ATRNL1: variants seen among roughly 807,000 people sequenced by gnomAD.
The protein encoded by ATRNL1 is attractin-like protein 1.
A neutral mutation model predicts 182.7 loss-of-function variants in ATRNL1; 95 were observed. That is an observed-to-expected ratio of 0.52 (90% confidence interval 0.44 to 0.62). ATRNL1 has a LOEUF of 0.62. Among genes scored for constraint, ATRNL1 ranks in the 20% least tolerant of loss-of-function variants. The probability of loss-of-function intolerance (pLI) is 0.00; values close to 1 mark genes in which losing one functional copy is unlikely to be tolerated. For missense variants in ATRNL1, 1,471 were observed against 1,679.5 expected (o/e 0.88, Z 2.17); for synonymous variants, 576 against 568.3 (o/e 1.01, Z -0.19).
rs183087462 is a variant in ATRNL1 at position 115,570,831 on chromosome 10, C to G, written c.3795+21295C>G. Among the ~76,000 whole-genome samples the G allele has an allele frequency of 3.3e-5, 5 of 152,256 alleles. No individual in the cohort carries two copies. In the East Asian group the frequency reaches 9.7e-4, roughly 29 times the overall value. ...GGCATCCTCAGGGAGAGGCCTATAT[C>G]CAGAGAGCTGACACTGCTAGAGAGT... On this transcript the variant is annotated intron_variant, in intron 26 of 28. Transcript: ENST00000355044.
chr10:115,287,863 C>T lies in ATRNL1; in HGVS notation c.2415+1466C>T, dbSNP rs187199236. Among the ~76,000 whole-genome samples, 15 of 150,968 alleles carry T rather than the reference C, an allele frequency of 9.9e-5. No homozygotes were observed. The South Asian group carries it at 1.9e-3, about 19-fold the overall frequency. Reference sequence around the variant, plus strand: ...TAAATCTCTTCTTATCCCTCCCTTTCGCCTTACTCTTCCCAGCCTCTAGTA... The same window carrying T: ...TAAATCTCTTCTTATCCCTCCCTTTTGCCTTACTCTTCCCAGCCTCTAGTA... On this transcript the variant is annotated intron_variant, in intron 15 of 28. Coordinates refer to ENST00000355044, the MANE Select transcript of ATRNL1 (RefSeq NM_207303.4).
In ATRNL1 at chr10:115,815,405, GTGTGTGTGTA is replaced by G. The variant is rs1416103920; in HGVS notation, c.3904-32462_3904-32453del. Reference sequence around the variant, plus strand: ...AGATCAACACATCCACTGGTATGTGGTGTGTGTGTATGTGTGTGTGTGTGTGTGTGTGTGT... The same window carrying G: ...AGATCAACACATCCACTGGTATGTGGTGTGTGTGTGTGTGTGTGTGTGTGT... On this transcript the variant is annotated intron_variant, in intron 27 of 28. Coordinates refer to ENST00000355044, the MANE Select transcript of ATRNL1 (RefSeq NM_207303.4). Among the ~76,000 whole-genome samples, 4 of 119,980 alleles carry G rather than the reference GTGTGTGTGTA, an allele frequency of 3.3e-5. No homozygotes were observed. The East Asian group carries it at 1.0e-3, about 31-fold the overall frequency. The allele number at this position is 119,980 out of a possible 152,430, so 78.7% of individuals were successfully genotyped here.
chr10:115,136,241 G>A (rs539110421), intron 5 of ATRNL1, among the ~76,000 whole-genome samples: 12 of 152,160 alleles, frequency 7.9e-5, no homozygotes, highest in African/African-American at 2.6e-4. Context: ...TAAAAGTATA[G>A]GGACCTGTGT....
At chr10:115,381,666 CTT>C (rs575946296) in intron 19 of ATRNL1, among the ~76,000 whole-genome samples, 133 of 151,916 alleles carry the variant, frequency 8.8e-4, no homozygotes, top group African/African-American at 2.9e-3. Flanking sequence ...TTATTGTCCT[CTT>C]ATTTTTTTGA....
At chr10:115,206,932 T>C (rs1554893930) in intron 8 of ATRNL1, among the ~76,000 whole-genome samples, 2 of 152,144 alleles carry the variant, frequency 1.3e-5, no homozygotes, top group African/African-American at 4.8e-5. Flanking sequence ...AGTGAGAACA[T>C]GCGGTGTTTG....
chr10:115,276,511 CACTT>C (rs1852111868), intron 13 of ATRNL1, among the ~76,000 whole-genome samples: 1 of 152,138 alleles, frequency 6.6e-6, no homozygotes, highest in Admixed American at 6.6e-5. Context: ...AGATGGTACT[CACTT>C]GTAATTTAGA....
At chr10:115,144,477 A>G (rs1845890357) in intron 5 of ATRNL1, among the ~76,000 whole-genome samples, 1 of 152,056 alleles carries the variant, frequency 6.6e-6, no homozygotes, top group South Asian at 2.1e-4. Flanking sequence ...TATTTTTACT[A>G]GAGACGGGGT....
At chr10:115,907,604 A>C (rs1952542542) in intron 28 of ATRNL1, among the ~76,000 whole-genome samples, 1 of 152,240 alleles carries the variant, frequency 6.6e-6, no homozygotes, top group South Asian at 2.1e-4. Context: ...ATTTCAATAC[A>C]CTTGCAGTCT....
chr10:115,705,941 A>G (rs1025291217), intron 26 of ATRNL1, among the ~76,000 whole-genome samples: 1 of 151,938 alleles, frequency 6.6e-6, no homozygotes, highest in Admixed American at 6.6e-5. Context: ...TAATTAGTGG[A>G]CAGAGTTAAT....
chr10:115,413,663 T>C (rs1554960313), intron 20 of ATRNL1, among the ~76,000 whole-genome samples: 1 of 152,162 alleles, frequency 6.6e-6, no homozygotes, highest in African/African-American at 2.4e-5. Context: ...CTTTTGTTTA[T>C]GTGACACACC....
chr10:115,434,828 C>G (rs553001364), intron 21 of ATRNL1, among the ~76,000 whole-genome samples: 48 of 152,064 alleles, frequency 3.2e-4, no homozygotes, highest in Admixed American at 3.1e-3. Context: ...AATAGATATC[C>G]AAACAAACTG....
chr10:115,286,982 T>C (rs1852649751), intron 15 of ATRNL1, among the ~76,000 whole-genome samples: 1 of 151,928 alleles, frequency 6.6e-6, no homozygotes, highest in Admixed American at 6.6e-5. Context: ...TACTATGCCA[T>C]TTTATATTAC....
At chr10:115,872,755 G>A (rs1951614472) in intron 28 of ATRNL1, among the ~76,000 whole-genome samples, 1 of 152,196 alleles carries the variant, frequency 6.6e-6, no homozygotes, top group African/African-American at 2.4e-5. Context: ...CTGACTGCAG[G>A]AGCCCCAGAG....
At chr10:115,541,828 G>T (rs576994210) in intron 25 of ATRNL1, among the ~76,000 whole-genome samples, 173 of 152,232 alleles carry the variant, frequency 1.1e-3, no homozygotes, top group African/African-American at 4.0e-3. Flanking sequence ...CTTTTGAGAA[G>T]GAGAGAATGA....
At chr10:115,094,787 C>T (rs2084971304) in intron 1 of ATRNL1, among the ~76,000 whole-genome samples, 1 of 152,204 alleles carries the variant, frequency 6.6e-6, no homozygotes, top group African/African-American at 2.4e-5. Flanking sequence ...CCAGTACACA[C>T]TCCAGAATGT....
intron 5 of ATRNL1, among the ~76,000 whole-genome samples, chr10:115,132,363 C>A (rs1172682662): frequency 1.3e-5 from 2 of 152,110 alleles, no homozygotes; most frequent in African/African-American, 4.8e-5. Flanking sequence ...CAAGTCTTTG[C>A]TATTGTGAAT....
chr10:115,690,144 T>C (rs1362485539), intron 26 of ATRNL1, among the ~76,000 whole-genome samples: 2 of 152,138 alleles, frequency 1.3e-5, no homozygotes, highest in African/African-American at 4.8e-5. Context: ...GCATGTGCTT[T>C]GTTTCCTTTG....
intron 24 of ATRNL1, among the ~76,000 whole-genome samples, chr10:115,496,625 G>A (rs1299870958): frequency 1.3e-5 from 2 of 152,170 alleles, no homozygotes; most frequent in Admixed American, 6.5e-5. Flanking sequence ...ACTTTTCGAT[G>A]TGGACGTTTA....
At chr10:115,239,855 C>G (rs1850341175) in intron 9 of ATRNL1, among the ~76,000 whole-genome samples, 1 of 152,108 alleles carries the variant, frequency 6.6e-6, no homozygotes, top group Non-Finnish European at 1.5e-5. Flanking sequence ...ATGATCTTTC[C>G]CAGAACAGAG....
Sources: gnomAD v4.1 joint callset for allele counts (sites outside exome capture counted in the v4.1 genomes callset) on GRCh38, gnomAD v4.1.1 for gene constraint, MANE v1.5 for transcripts, NCBI Gene and HGNC (gene_info 2026-07-23, HGNC 2026-07-21) for gene names.